Variants in DENND2A observed in about 807,000 individuals in gnomAD.
DENND2A encodes the protein DENN domain containing 2A.
DENND2A carries 53 observed loss-of-function variants against 105.3 expected under a neutral mutation model. The ratio of observed to expected loss-of-function variants is 0.50; its 90% CI spans 0.40 to 0.63. The LOEUF (loss-of-function observed/expected upper bound fraction) is 0.63, where lower values mean the gene tolerates loss of function less well. Among genes scored for constraint, DENND2A ranks in the 30% least tolerant of loss-of-function variants. DENND2A has a pLI of 0.00. For missense variants in DENND2A, 1,138 were observed against 1,279.6 expected, an observed-to-expected ratio of 0.89 and a Z score of 1.69; for synonymous variants, 522 against 508.4, an observed-to-expected ratio of 1.03 and a Z score of -0.36.
intron 15 of DENND2A, 126 bp from the exon 16 acceptor site, chr7:140,525,918 G>T: frequency 2.9e-6 from 2 of 685,592 alleles, no homozygotes; most frequent in Non-Finnish European, 4.6e-6. Flanking sequence ...TGAGCCATTT[G>T]TGGTTTCCTG....
At chr7:140,532,991 C>CTTTTTTTTTTTT (rs3042406) in intron 14 of DENND2A, among the ~76,000 whole-genome samples, 1 of 120,154 alleles carries the variant, frequency 8.3e-6, no homozygotes, top group Non-Finnish European at 1.7e-5. Context: ...AGGCTACCTG[C>CTTTTTTTTTTTT]TTTTTTTTTT....
At chr7:140,566,023 A>G (rs183098372) in intron 9 of DENND2A, among the ~76,000 whole-genome samples, 139 of 152,272 alleles carry the variant, frequency 9.1e-4, no homozygotes, top group African/African-American at 3.3e-3. Context: ...TAACCACAAA[A>G]ATGGGCAACC....
intron 17 of DENND2A, among the ~76,000 whole-genome samples, chr7:140,522,695 G>C (rs1272487834): frequency 6.7e-6 from 1 of 148,698 alleles, no homozygotes; most frequent in Admixed American, 6.7e-5. Flanking sequence ...TGCAACCTCT[G>C]CCTCCTAGAT....
chr7:140,639,534 C>A (rs1585811763), intron 1 of DENND2A, among the ~76,000 whole-genome samples: 2 of 152,070 alleles, frequency 1.3e-5, no homozygotes, highest in African/African-American at 4.8e-5. Context: ...CTACTCCACT[C>A]TTTTGGTATC....
chr7:140,600,926 C>T (rs1309166188), intron 3 of DENND2A, among the ~76,000 whole-genome samples: 1 of 152,110 alleles, frequency 6.6e-6, no homozygotes, highest in African/African-American at 2.4e-5. Flanking sequence ...ATTCACAGTG[C>T]GTGCATCCAT....
At chr7:140,558,885 C>T (rs1797501294) in intron 10 of DENND2A, among the ~76,000 whole-genome samples, 1 of 148,476 alleles carries the variant, frequency 6.7e-6, no homozygotes, top group African/African-American at 2.5e-5. Context: ...TCACCACAAC[C>T]TCTGCCGCCC....
At chr7:140,639,745 A>C (rs1444075348) in intron 1 of DENND2A, among the ~76,000 whole-genome samples, 1 of 152,212 alleles carries the variant, frequency 6.6e-6, no homozygotes, top group Non-Finnish European at 1.5e-5. Context: ...GCTGGAAGTC[A>C]GCACCAGCTG....
At chr7:140,629,349 GCCAAGAAAGACTCCATTGGATT>G (rs1433463090) in intron 1 of DENND2A, among the ~76,000 whole-genome samples, 1 of 152,116 alleles carries the variant, frequency 6.6e-6, no homozygotes, top group Non-Finnish European at 1.5e-5. Flanking sequence ...GCGCCTGGTG[GCCAAGAAAGACTCCATTGGATT>G]CCAAGAGTTG....
chr7:140,607,811 C>G (rs1355842194), intron 1 of DENND2A, among the ~76,000 whole-genome samples: 2 of 152,232 alleles, frequency 1.3e-5, no homozygotes, highest in Non-Finnish European at 2.9e-5. Context: ...CACAAGAATC[C>G]AACCTTGTTC....
chr7:140,610,023 T>C (rs1003366928), intron 1 of DENND2A: 3 of 152,158 alleles, frequency 2.0e-5, no homozygotes, highest in Non-Finnish European at 4.4e-5. Flanking sequence ...TGGAGTACAG[T>C]GGTGTGATGA....
Position 140,592,269 on chromosome 7 carries a change from C to T in DENND2A, c.996-4489G>A, listed in dbSNP as rs187108265. On this transcript the variant is annotated intron_variant, in intron 3 of 19. Transcript: ENST00000496613. ...TCGCCCAGACTGGAGTGCAGTGGTGCGATCTTGGCTCACTGAAAGCTCCAC... is the reference window on the plus strand; with the variant it reads ...TCGCCCAGACTGGAGTGCAGTGGTGTGATCTTGGCTCACTGAAAGCTCCAC... Among the ~76,000 whole-genome samples, 1,255 of 150,174 alleles carry T rather than the reference C, an allele frequency of 8.4e-3. 24 individuals are homozygous for T. Among genetic ancestry groups the T allele is most frequent in the African/African-American group, 0.029 (1,192 of 40,766 alleles).
At chr7:140,593,639 C>T (rs1417092476) in intron 3 of DENND2A, among the ~76,000 whole-genome samples, 1 of 152,204 alleles carries the variant, frequency 6.6e-6, no homozygotes, top group Non-Finnish European at 1.5e-5. Flanking sequence ...CCAGTGTTGC[C>T]ATCCAAAGGT....
chr7:140,582,910 T>TTTTC lies in DENND2A; in HGVS notation c.1245+2675_1245+2678dup, dbSNP rs565989475. Among the ~76,000 whole-genome samples the TTTTC allele has an allele frequency of 1.1e-4, 17 of 152,288 alleles. No individual in the cohort carries two copies. In the East Asian group the frequency reaches 1.4e-3, roughly 12 times the overall value. On this transcript the variant is annotated intron_variant, in intron 5 of 19. Coordinates refer to ENST00000496613, the MANE Select transcript of DENND2A (RefSeq NM_015689.5). ...AACCAAAGAAATAGAATATATACAT[T>TTTTC]TTTCTTTCTTTCTTTCTTTTAACTT...
chr7:140,639,111 C>T (rs758733608), intron 1 of DENND2A, among the ~76,000 whole-genome samples: 1 of 151,196 alleles, frequency 6.6e-6, no homozygotes, highest in Admixed American at 6.6e-5. Flanking sequence ...CAGCACTTTG[C>T]GAGGCCGAGG....
intron 2 of DENND2A, 66 bp from the exon 3 acceptor site, chr7:140,602,608 C>T: frequency 2.3e-6 from 1 of 434,346 alleles, no homozygotes; most frequent in African/African-American, 2.0e-5. Context: ...TAGAGATTTG[C>T]TAGAACTTAG....
At chr7:140,626,951 G>A (rs1800555154) in intron 1 of DENND2A, among the ~76,000 whole-genome samples, 1 of 152,178 alleles carries the variant, frequency 6.6e-6, no homozygotes, top group African/African-American at 2.4e-5. Flanking sequence ...AACTTGGAGA[G>A]CTGCGGGACC....
At chr7:140,545,909 T>A (rs145404228) in intron 13 of DENND2A, among the ~76,000 whole-genome samples, 472 of 152,204 alleles carry the variant, frequency 3.1e-3, no homozygotes, top group Non-Finnish European at 5.6e-3. Context: ...TGGTTTCAGG[T>A]TCTCTAGCAA....
intron 1 of DENND2A, among the ~76,000 whole-genome samples, chr7:140,627,773 C>T (rs1191134781): frequency 6.6e-6 from 1 of 151,994 alleles, no homozygotes; most frequent in East Asian, 1.9e-4. Flanking sequence ...GCAATCTTCC[C>T]ACCTCAGCAT....
intron 1 of DENND2A, among the ~76,000 whole-genome samples, chr7:140,630,187 T>C (rs1454397205): frequency 6.6e-6 from 1 of 151,868 alleles, no homozygotes; most frequent in Non-Finnish European, 1.5e-5. Flanking sequence ...CGCGGCTCAC[T>C]GCAGCCTCGA....
Sources: allele counts gnomAD v4.1 joint callset (sites outside exome capture counted in the v4.1 genomes callset), GRCh38; gene constraint gnomAD v4.1.1; transcripts MANE v1.5; gene names NCBI Gene and HGNC (gene_info 2026-07-23, HGNC 2026-07-21).